SLC16A7: variants seen among roughly 807,000 people sequenced by gnomAD.
SLC16A7 encodes the protein solute carrier family 16 member 7.
A neutral mutation model predicts 34.9 loss-of-function variants in SLC16A7; 33 were observed. The ratio of observed to expected loss-of-function variants is 0.94; its 90% CI spans 0.72 to 1.26. The LOEUF (loss-of-function observed/expected upper bound fraction) is 1.26. SLC16A7 is among the 50% of genes most tolerant of loss of function. The pLI, the probability that SLC16A7 is intolerant of heterozygous loss-of-function variation, is 0.00. For synonymous variants in SLC16A7, 201 were observed against 206.6 expected, an observed-to-expected ratio of 0.97 and a Z score of 0.23; for missense variants, 573 against 578.1, an observed-to-expected ratio of 0.99 and a Z score of 0.09.
At chr12:59,628,971 A>G (rs1880057967) in intron 1 of SLC16A7, among the ~76,000 whole-genome samples, 1 of 151,698 alleles carries the variant, frequency 6.6e-6, no homozygotes, top group South Asian at 2.1e-4. Flanking sequence ...TACACAAGAG[A>G]CAGTTACTGC....
intron 3 of SLC16A7, among the ~76,000 whole-genome samples, chr12:59,764,402 T>C (rs575865590): frequency 1.3e-5 from 2 of 152,166 alleles, no homozygotes; most frequent in Non-Finnish European, 2.9e-5. Context: ...TACATATGTA[T>C]ACATGTGCCA....
At chr12:59,740,407 T>TCTGTTTTGGTACCAGTACCATG (rs1878168598) in intron 3 of SLC16A7, among the ~76,000 whole-genome samples, 1 of 152,204 alleles carries the variant, frequency 6.6e-6, no homozygotes, top group African/African-American at 2.4e-5. Context: ...GATCTATATC[T>TCTGTTTTGGTACCAGTACCATG]CTGTTTTGGT....
intron 1 of SLC16A7, among the ~76,000 whole-genome samples, chr12:59,633,099 C>T (rs1282630862): frequency 6.6e-6 from 1 of 151,948 alleles, no homozygotes; most frequent in African/African-American, 2.4e-5. Context: ...TTACATTTTT[C>T]TGATCCTTGT....
intron 2 of SLC16A7, among the ~76,000 whole-genome samples, chr12:59,662,782 G>T (rs1241236877): frequency 6.6e-6 from 1 of 152,064 alleles, no homozygotes; most frequent in Non-Finnish European, 1.5e-5. Context: ...GTTAAAGTCA[G>T]TTCATTCTAT....
At chr12:59,746,317 C>CTGT (rs1565690480) in intron 3 of SLC16A7, among the ~76,000 whole-genome samples, 1 of 152,080 alleles carries the variant, frequency 6.6e-6, no homozygotes, top group African/African-American at 2.4e-5. Flanking sequence ...ATGAAATCAG[C>CTGT]AATACAAGAG....
At chr12:59,710,496 C>G (rs1000377957) in intron 3 of SLC16A7, among the ~76,000 whole-genome samples, 1 of 151,608 alleles carries the variant, frequency 6.6e-6, no homozygotes, top group Non-Finnish European at 1.5e-5. Flanking sequence ...TGAAATTATT[C>G]CAGGACACAC....
chr12:59,763,564 C>T (rs929968263), intron 3 of SLC16A7, among the ~76,000 whole-genome samples: 18 of 152,068 alleles, frequency 1.2e-4, no homozygotes, highest in Non-Finnish European at 2.5e-4. Context: ...ATGAAAATAA[C>T]TATACTGCCT....
chr12:59,716,073 G>A (rs1414175207), intron 3 of SLC16A7, among the ~76,000 whole-genome samples: 1 of 152,204 alleles, frequency 6.6e-6, no homozygotes, highest in African/African-American at 2.4e-5. Flanking sequence ...TAAGTGTAAA[G>A]CTTTGGAAAG....
chr12:59,769,841 A>G (rs1030854332), intron 3 of SLC16A7, among the ~76,000 whole-genome samples: 1 of 152,050 alleles, frequency 6.6e-6, no homozygotes, highest in Admixed American at 6.6e-5. Flanking sequence ...TAGGCCAAAT[A>G]TTGGATTGAA....
At chr12:59,751,652 T>C (rs1439145481) in intron 3 of SLC16A7, among the ~76,000 whole-genome samples, 3 of 152,222 alleles carry the variant, frequency 2.0e-5, no homozygotes, top group African/African-American at 7.2e-5. Flanking sequence ...TGCCTGCCTC[T>C]GTAGGCTCCA....
At chr12:59,637,920 T>C (rs1386247095) in intron 1 of SLC16A7, among the ~76,000 whole-genome samples, 1 of 152,162 alleles carries the variant, frequency 6.6e-6, no homozygotes, top group Non-Finnish European at 1.5e-5. Flanking sequence ...TTTGCTTTTC[T>C]GCCTTCTGCC....
intron 2 of SLC16A7, among the ~76,000 whole-genome samples, chr12:59,660,162 C>G (rs1348891719): frequency 6.6e-6 from 1 of 151,254 alleles, no homozygotes; most frequent in Non-Finnish European, 1.5e-5. Context: ...TTTTAAAAAA[C>G]TCTTTTTTTA....
chr12:59,619,129 A>C (rs1171819041), intron 1 of SLC16A7, among the ~76,000 whole-genome samples: 3 of 152,086 alleles, frequency 2.0e-5, no homozygotes, highest in Non-Finnish European at 4.4e-5. Context: ...TTTTATTCGA[A>C]TGAACATTTA....
In SLC16A7 at chr12:59,779,752, G is replaced by A. The variant is rs1037613324; in HGVS notation, c.*73G>A. The A allele has an allele frequency of 1.0e-5, 13 of 1,276,092 alleles. No individual in the cohort carries two copies. Among genetic ancestry groups the A allele is most frequent in the Non-Finnish European group, 1.3e-5 (12 of 928,282 alleles). 79.0% of individuals were successfully genotyped at this position (1,276,092 alleles called of 1,614,324 possible). On this transcript the variant is annotated 3_prime_UTR_variant, in exon 6 of 6. Transcript: ENST00000547379. ...TTGTTTTTCATTTTGTTTTTTTAAA[G>A]TATTAGAAAAGGTTTTAGCTGAAAT...
intron 2 of SLC16A7, among the ~76,000 whole-genome samples, chr12:59,701,824 T>C (rs535303611): frequency 6.6e-6 from 1 of 151,948 alleles, no homozygotes; most frequent in African/African-American, 2.4e-5. Context: ...ATGTTATTTA[T>C]GATCTTTGAA....
chr12:59,698,627 A>G (rs1263024737), intron 2 of SLC16A7, among the ~76,000 whole-genome samples: 3 of 151,800 alleles, frequency 2.0e-5, no homozygotes, highest in Non-Finnish European at 4.4e-5. Context: ...AGAGGAAGGA[A>G]TATAAGTTCC....
At chr12:59,718,931 AG>A (rs1341338692) in intron 3 of SLC16A7, among the ~76,000 whole-genome samples, 1 of 152,172 alleles carries the variant, frequency 6.6e-6, no homozygotes, top group African/African-American at 2.4e-5. Context: ...CATTTAGTCC[AG>A]GCTTTATGTT....
At chr12:59,699,981 A>G (rs1026188459) in intron 2 of SLC16A7, among the ~76,000 whole-genome samples, 5 of 151,738 alleles carry the variant, frequency 3.3e-5, no homozygotes, top group African/African-American at 1.2e-4. Context: ...AATGGTCCCT[A>G]AGAGTAATGC....
At chr12:59,741,103 GAAGAATC>G (rs1878277479) in intron 3 of SLC16A7, among the ~76,000 whole-genome samples, 1 of 152,006 alleles carries the variant, frequency 6.6e-6, no homozygotes, top group Non-Finnish European at 1.5e-5. Flanking sequence ...TCATGGTTAG[GAAGAATC>G]AATATCATGA....
Sources: allele counts gnomAD v4.1 joint callset (sites outside exome capture counted in the v4.1 genomes callset), GRCh38; gene constraint gnomAD v4.1.1; transcripts MANE v1.5; gene names NCBI Gene and HGNC (gene_info 2026-07-23, HGNC 2026-07-21).